Variants in CLVS1 observed in about 807,000 individuals in gnomAD.
CLVS1 encodes the protein clavesin-1.
Under a neutral mutation model 33.1 loss-of-function variants are expected in CLVS1, and 10 were observed. The ratio of observed to expected loss-of-function variants is 0.30; its 90% CI spans 0.19 to 0.51. CLVS1 has a LOEUF of 0.51. Among genes scored for constraint, CLVS1 ranks in the 20% least tolerant of loss-of-function variants. The pLI, the probability that CLVS1 is intolerant of heterozygous loss-of-function variation, is 0.97. For synonymous variants in CLVS1, 163 were observed against 166.1 expected, an observed-to-expected ratio of 0.98 and a Z score of 0.14; for missense variants, 343 against 433.4, an observed-to-expected ratio of 0.79 and a Z score of 1.85.
chr8:60,967,325 G>A, the CLVS1 span, among the ~76,000 whole-genome samples: 14 of 152,284 alleles, frequency 9.2e-5, no homozygotes, highest in Admixed American at 5.9e-4. Flanking sequence ...ACACAAAGAG[G>A]TGCATGAGAA....
intron 5 of CLVS1, among the ~76,000 whole-genome samples, chr8:61,480,925 C>G (rs546778231): frequency 6.6e-6 from 1 of 152,256 alleles, no homozygotes; most frequent in Non-Finnish European, 1.5e-5. Flanking sequence ...CCGCACTTCT[C>G]AGCTGCTCTG....
At chr8:61,363,974 C>A (rs1393194144) in intron 2 of CLVS1, among the ~76,000 whole-genome samples, 1 of 152,130 alleles carries the variant, frequency 6.6e-6, no homozygotes, top group African/African-American at 2.4e-5. Flanking sequence ...CACATCTGGT[C>A]CTGCCAATTA....
intron 2 of CLVS1, among the ~76,000 whole-genome samples, chr8:61,158,755 TA>T (rs886935178): frequency 6.8e-4 from 101 of 147,458 alleles, no homozygotes; most frequent in African/African-American, 2.0e-3. Context: ...GTAAGAATAA[TA>T]AAAAAAAAAA....
In CLVS1 at chr8:61,115,398, T is replaced by C. The variant is rs62524516; in HGVS notation, c.-242-16372T>C. ...TTATTTATTTATTTTTATTATACTT[T>C]AAGTTTTAGGGTACATGTGCACATT... On this transcript the variant is annotated intron_variant, in intron 1 of 2. Coordinates refer to the CLVS1 transcript ENST00000522621. Among the ~76,000 whole-genome samples, 3 of 151,924 alleles carry C rather than the reference T, an allele frequency of 2.0e-5. No individual in the cohort carries two copies. The South Asian group carries it at 6.2e-4, about 31-fold the overall frequency.
chr8:61,472,183 T>G (rs1817757569), intron 5 of CLVS1, among the ~76,000 whole-genome samples: 1 of 152,244 alleles, frequency 6.6e-6, no homozygotes, highest in Non-Finnish European at 1.5e-5. Context: ...GGACCACAAT[T>G]CTATAATTAT....
intron 1 of CLVS1, among the ~76,000 whole-genome samples, chr8:61,080,048 A>G (rs1804993230): frequency 1.3e-5 from 2 of 152,336 alleles, no homozygotes; most frequent in Non-Finnish European, 2.9e-5. Flanking sequence ...ACTCAGAATA[A>G]TTTATTGTGG....
In CLVS1 at chr8:61,410,024, T is replaced by TGCAATTGCACAATTGAGAATTGCAAA. The variant is rs1426566534; in HGVS notation, c.630+33245_630+33246insGCAATTGCACAATTGAGAATTGCAAA. On this transcript the variant is annotated intron_variant, in intron 3 of 5. Coordinates refer to ENST00000325897, the MANE Select transcript of CLVS1 (RefSeq NM_173519.3). ...CTTTTTGTGCTATGAATTGCAAATG[T>TGCAATTGCACAATTGAGAATTGCAAA]TTCTCAATTTTCTTTCATTTGTCCT... Among the ~76,000 whole-genome samples the TGCAATTGCACAATTGAGAATTGCAAA allele has an allele frequency of 8.2e-4, 125 of 151,972 alleles. 1 individual carries two copies. The highest frequency in any genetic ancestry group is 3.4e-3 in the Middle Eastern group (1 of 294).
chr8:61,141,575 G>A (rs1806309141), intron 2 of CLVS1, among the ~76,000 whole-genome samples: 1 of 152,090 alleles, frequency 6.6e-6, no homozygotes, highest in African/African-American at 2.4e-5. Flanking sequence ...TTTTCCTGGA[G>A]ATGAATACAT....
At chr8:60,970,994 G>A in the CLVS1 span, among the ~76,000 whole-genome samples, 1 of 147,556 alleles carries the variant, frequency 6.8e-6, no homozygotes, top group Admixed American at 6.7e-5. Flanking sequence ...CTTCAGCTGA[G>A]TTATTTATTT....
At chr8:61,341,089 A>G (rs1812014418) in intron 2 of CLVS1, among the ~76,000 whole-genome samples, 2 of 152,254 alleles carry the variant, frequency 1.3e-5, no homozygotes, top group South Asian at 4.1e-4. Flanking sequence ...CGATAAAAAC[A>G]TACCTTTAAT....
At chr8:61,168,547 T>C (rs1349725794) in intron 2 of CLVS1, among the ~76,000 whole-genome samples, 1 of 152,256 alleles carries the variant, frequency 6.6e-6, no homozygotes, top group Admixed American at 6.5e-5. Context: ...TCCTAGTTCA[T>C]TGTTTTTGAG....
At chr8:61,283,379 A>G (rs1454500591), upstream of CLVS1, among the ~76,000 whole-genome samples, 4 of 152,212 alleles carry the variant, frequency 2.6e-5, no homozygotes, top group African/African-American at 7.2e-5. Flanking sequence ...ATGATGCAGC[A>G]TTAGATCTTT....
At chr8:61,476,190 G>C (rs1817920869) in intron 5 of CLVS1, among the ~76,000 whole-genome samples, 1 of 152,170 alleles carries the variant, frequency 6.6e-6, no homozygotes, top group Admixed American at 6.5e-5. Context: ...TGCTGATTTG[G>C]TTACTGTAGC....
chr8:61,090,009 A>G (rs1486545244), intron 1 of CLVS1, among the ~76,000 whole-genome samples: 1 of 152,206 alleles, frequency 6.6e-6, no homozygotes, highest in Admixed American at 6.5e-5. Flanking sequence ...TTGCCTATGA[A>G]GAAGTTCTCC....
intron 2 of CLVS1, among the ~76,000 whole-genome samples, chr8:61,227,603 G>A (rs1808357775): frequency 6.6e-6 from 1 of 152,162 alleles, no homozygotes; most frequent in African/African-American, 2.4e-5. Flanking sequence ...TCCCATAAAT[G>A]TGACATAGTT....
intron 2 of CLVS1, among the ~76,000 whole-genome samples, chr8:61,355,418 T>A (rs1812652279): frequency 6.6e-6 from 1 of 152,082 alleles, no homozygotes; most frequent in African/African-American, 2.4e-5. Flanking sequence ...TTTTCTTTTT[T>A]TTATTATTAT....
At chr8:61,055,643 C>A (rs554191740), upstream of CLVS1, among the ~76,000 whole-genome samples, 152 of 152,274 alleles carry the variant, frequency 1.0e-3, no homozygotes, top group African/African-American at 3.3e-3. Context: ...ATTGTGGAGA[C>A]GTAGAAGCAG....
intron 2 of CLVS1, among the ~76,000 whole-genome samples, chr8:61,155,645 C>T (rs1013411577): frequency 3.9e-5 from 6 of 152,014 alleles, no homozygotes; most frequent in African/African-American, 1.4e-4. Context: ...TTTGATAAGC[C>T]TATTTAGACG....
intron 1 of CLVS1, among the ~76,000 whole-genome samples, chr8:61,070,687 A>C (rs1043285527): frequency 2.6e-5 from 4 of 152,198 alleles, no homozygotes; most frequent in Non-Finnish European, 4.4e-5. Flanking sequence ...ACAAAATTAA[A>C]AAATTATCCA....
Sources: allele counts gnomAD v4.1 joint callset (sites outside exome capture counted in the v4.1 genomes callset), GRCh38; gene constraint gnomAD v4.1.1; transcripts MANE v1.5; gene names NCBI Gene and HGNC (gene_info 2026-07-23, HGNC 2026-07-21).